KCND2: variants seen among roughly 807,000 people sequenced by gnomAD.
The protein encoded by KCND2 is potassium voltage-gated channel subfamily D member 2.
Under a neutral mutation model 54.4 loss-of-function variants are expected in KCND2, and 16 were observed. The observed-to-expected ratio is 0.29, with a 90% confidence interval of 0.20 to 0.45. The LOEUF (loss-of-function observed/expected upper bound fraction) is 0.45. Ranked by LOEUF, KCND2 falls within the 20% of genes least tolerant of loss-of-function variation. KCND2 has a pLI of 1.00. For missense variants in KCND2, 486 were observed against 824.2 expected, an observed-to-expected ratio of 0.59 and a Z score of 5.02; for synonymous variants, 317 against 310.7, an observed-to-expected ratio of 1.02 and a Z score of -0.21.
At chr7:120,444,524 G>C (rs1167575218) in intron 1 of KCND2, among the ~76,000 whole-genome samples, 3 of 152,052 alleles carry the variant, frequency 2.0e-5, no homozygotes. Flanking sequence ...AACCCCAGCA[G>C]AGTACACTGG....
intron 1 of KCND2, among the ~76,000 whole-genome samples, chr7:120,278,162 C>T (rs1006023424): frequency 6.6e-6 from 1 of 151,888 alleles, no homozygotes; most frequent in African/African-American, 2.4e-5. Context: ...TCTTTAATTT[C>T]TCATCAAAAT....
intron 1 of KCND2, among the ~76,000 whole-genome samples, chr7:120,443,352 AAATAATAATAATAAT>A (rs139962538): frequency 4.1e-5 from 6 of 146,594 alleles, no homozygotes; most frequent in African/African-American, 7.5e-5. Flanking sequence ...TAACAATAAT[AAATAATAATAATAAT>A]AATAATAATA....
At chr7:120,605,726 C>G (rs1792873942) in intron 1 of KCND2, among the ~76,000 whole-genome samples, 1 of 152,118 alleles carries the variant, frequency 6.6e-6, no homozygotes, top group Non-Finnish European at 1.5e-5. Flanking sequence ...TTCCCCAGGA[C>G]TTGTTATTAT....
intron 1 of KCND2, among the ~76,000 whole-genome samples, chr7:120,610,287 A>C (rs1006540110): frequency 6.6e-6 from 1 of 152,166 alleles, no homozygotes; most frequent in Non-Finnish European, 1.5e-5. Context: ...TGAAACATTT[A>C]AAATAAGAAT....
rs1792894726 is a variant in KCND2, at chr7:120,737,913, C to T, written c.1279-3621C>T. 2.6e-5 allele frequency among the ~76,000 whole-genome samples: 4 copies of T among 151,892 alleles called. No individual in the cohort carries two copies. The South Asian group carries it at 8.4e-4, about 32-fold the overall frequency. ...TTTGTGATTTGGTAACAAGATGGCC[C>T]AATAACTTCCTTTAATCTACCTCAT... On this transcript the variant is annotated intron_variant, in intron 2 of 5. Transcript: ENST00000331113.
intron 1 of KCND2, among the ~76,000 whole-genome samples, chr7:120,545,684 G>A (rs2116387982): frequency 6.6e-6 from 1 of 151,942 alleles, no homozygotes; most frequent in East Asian, 1.9e-4. Context: ...AGGTCAGCCA[G>A]CAGAGAGTTG....
At chr7:120,375,096 T>C (rs775955678) in intron 1 of KCND2, among the ~76,000 whole-genome samples, 22 of 151,706 alleles carry the variant, frequency 1.5e-4, no homozygotes, top group Non-Finnish European at 2.8e-4. Flanking sequence ...AATACATGGT[T>C]TTGTTTTTGC....
At chr7:120,308,782 T>C (rs1176721893) in intron 1 of KCND2, among the ~76,000 whole-genome samples, 1 of 152,184 alleles carries the variant, frequency 6.6e-6, no homozygotes, top group African/African-American at 2.4e-5. Context: ...GCTGTGTAAA[T>C]GATAAGTTGT....
intron 1 of KCND2, among the ~76,000 whole-genome samples, chr7:120,473,748 G>A (rs897639221): frequency 2.6e-5 from 4 of 151,924 alleles, no homozygotes; most frequent in Non-Finnish European, 5.9e-5. Flanking sequence ...GAAAATAATC[G>A]TGACAGTGTA....
At position 120,748,181 on chromosome 7, in the gene KCND2, T is replaced by A. The variant is rs186588153; in HGVS notation, c.*323T>A. 384 of 182,458 alleles carry A rather than the reference T, an allele frequency of 2.1e-3. 1 individual carries two copies. The highest frequency in any genetic ancestry group is 6.9e-3 in the Middle Eastern group (3 of 432). 11.3% of individuals were successfully genotyped at this position (182,458 alleles called of 1,614,324 possible). A position where few individuals can be genotyped will look rare whatever the true frequency, so the allele number is the denominator to read the frequency against. On this transcript the variant is annotated 3_prime_UTR_variant, in exon 6 of 6. Transcript: ENST00000331113. ...ATAACATAAATCGTTGAACATAATG[T>A]TCCAGTTGAATGCAAAACAAAAAAA...
intron 1 of KCND2, among the ~76,000 whole-genome samples, chr7:120,728,214 G>GT (rs1377811963): frequency 6.7e-6 from 1 of 149,998 alleles, no homozygotes; most frequent in Non-Finnish European, 1.5e-5. Flanking sequence ...CGATGTTCAA[G>GT]TTGCTGTGTT....
At chr7:120,737,886 A>T (rs953339179) in intron 2 of KCND2, among the ~76,000 whole-genome samples, 3 of 151,874 alleles carry the variant, frequency 2.0e-5, no homozygotes, top group Admixed American at 6.6e-5. Context: ...TTTTCAAAAG[A>T]TTTTGTGATT....
chr7:120,322,106 A>G (rs1047788102), intron 1 of KCND2, among the ~76,000 whole-genome samples: 7 of 152,126 alleles, frequency 4.6e-5, no homozygotes, highest in African/African-American at 1.7e-4. Flanking sequence ...AAATACCTTT[A>G]AATTTAGAAA....
chr7:120,608,385 T>C (rs1194431644), intron 1 of KCND2, among the ~76,000 whole-genome samples: 1 of 152,082 alleles, frequency 6.6e-6, no homozygotes, highest in East Asian at 1.9e-4. Context: ...AAGAAGAAAT[T>C]ACTCCAGTAT....
intron 1 of KCND2, among the ~76,000 whole-genome samples, chr7:120,394,234 G>A (rs1296493302): frequency 6.6e-6 from 1 of 151,898 alleles, no homozygotes; most frequent in Non-Finnish European, 1.5e-5. Context: ...GGTTTTTCAA[G>A]TATAGTTTGG....
intron 1 of KCND2, among the ~76,000 whole-genome samples, chr7:120,358,755 T>C (rs1800545470): frequency 6.6e-6 from 1 of 152,172 alleles, no homozygotes; most frequent in South Asian, 2.1e-4. Flanking sequence ...CTAAGGTTTG[T>C]AACCAGTGAA....
intron 1 of KCND2, among the ~76,000 whole-genome samples, chr7:120,373,582 C>T (rs996438120): frequency 3.3e-5 from 5 of 151,780 alleles, no homozygotes; most frequent in African/African-American, 1.2e-4. Flanking sequence ...AGGACGCATC[C>T]AAGAGCTATC....
chr7:120,324,084 G>A (rs1013883941), intron 1 of KCND2, among the ~76,000 whole-genome samples: 4 of 151,200 alleles, frequency 2.6e-5, no homozygotes, highest in Non-Finnish European at 5.9e-5. Context: ...TTTTTTGGGT[G>A]CATAAATGTC....
chr7:120,539,683 A>G (rs1791956072), intron 1 of KCND2, among the ~76,000 whole-genome samples: 1 of 152,202 alleles, frequency 6.6e-6, no homozygotes, highest in Admixed American at 6.5e-5. Context: ...TTTCATACAC[A>G]TATAGATAGT....
Sources: allele counts gnomAD v4.1 joint callset (sites outside exome capture counted in the v4.1 genomes callset), GRCh38; gene constraint gnomAD v4.1.1; transcripts MANE v1.5; gene names NCBI Gene and HGNC (gene_info 2026-07-23, HGNC 2026-07-21).